The following MDGA2 variants were observed in gnomAD, a reference collection of about 807,000 sequenced individuals.
MDGA2 encodes MAM domain-containing glycosylphosphatidylinositol anchor protein 2.
A neutral mutation model predicts 117.8 loss-of-function variants in MDGA2; 40 were observed. The observed-to-expected ratio is 0.34, with a 90% CI of 0.26 to 0.44. MDGA2 has a LOEUF of 0.44. MDGA2 is among the 20% of genes least tolerant of loss of function. MDGA2 has a pLI of 1.00. For synonymous variants in MDGA2, 452 were observed against 439.0 expected, an observed-to-expected ratio of 1.03 and a Z score of -0.37; for missense variants, 1,123 against 1,250.6, an observed-to-expected ratio of 0.90 and a Z score of 1.54.
At chr14:47,275,531 G>A (rs916436324) in intron 2 of MDGA2, among the ~76,000 whole-genome samples, 1 of 151,838 alleles carries the variant, frequency 6.6e-6, no homozygotes, top group Non-Finnish European at 1.5e-5. Flanking sequence ...AGGCCCTAAG[G>A]CAAAGTCCAG....
chr14:46,905,094 T>C (rs1883437678), intron 10 of MDGA2, among the ~76,000 whole-genome samples: 1 of 152,222 alleles, frequency 6.6e-6, no homozygotes, highest in African/African-American at 2.4e-5. Flanking sequence ...CAAGACTCTG[T>C]ACCTAGATGA....
chr14:47,243,516 A>T (rs1307646588), intron 2 of MDGA2, among the ~76,000 whole-genome samples: 1 of 151,640 alleles, frequency 6.6e-6, no homozygotes, highest in Non-Finnish European at 1.5e-5. Flanking sequence ...CTCACAGCGA[A>T]GATCTGCAGC....
chr14:47,061,631 A>T (rs1889887326), intron 6 of MDGA2, 53 bp from the exon 7 acceptor site: 3 of 1,389,068 alleles, frequency 2.2e-6, no homozygotes, highest in African/African-American at 1.4e-5. Flanking sequence ...AACTTTAAGG[A>T]TTCATTAACT....
intron 1 of MDGA2, among the ~76,000 whole-genome samples, chr14:47,540,039 G>T (rs980462899): frequency 1.6e-4 from 24 of 151,978 alleles, no homozygotes; most frequent in Non-Finnish European, 3.1e-4. Flanking sequence ...TTTTGAGACG[G>T]AGTCTCGCTG....
intron 8 of MDGA2, among the ~76,000 whole-genome samples, chr14:46,979,656 C>G (rs1886594446): frequency 6.6e-6 from 1 of 152,182 alleles, no homozygotes; most frequent in Non-Finnish European, 1.5e-5. Flanking sequence ...ACAATATGCC[C>G]TTAACCCAAA....
intron 1 of MDGA2, among the ~76,000 whole-genome samples, chr14:47,602,898 A>G (rs781421623): frequency 4.6e-5 from 7 of 152,198 alleles, no homozygotes; most frequent in African/African-American, 1.7e-4. Context: ...GATTGAATAT[A>G]TCACTGGAGT....
At chr14:47,515,011 A>G (rs1436354967) in intron 1 of MDGA2, among the ~76,000 whole-genome samples, 2 of 152,200 alleles carry the variant, frequency 1.3e-5, no homozygotes, top group Non-Finnish European at 1.5e-5. Flanking sequence ...ACAAAGTTCT[A>G]CCTTTGTTCC....
At chr14:47,571,763 C>G (rs12886632) in intron 1 of MDGA2, among the ~76,000 whole-genome samples, 110,875 of 140,564 alleles carry the variant, frequency 0.79, 43,293 homozygotes, top group East Asian at 1. Context: ...GGGGGGCGGT[C>G]GGGGGATAGG....
chr14:46,883,786 T>C (rs1882558212), intron 10 of MDGA2, among the ~76,000 whole-genome samples: 3 of 152,132 alleles, frequency 2.0e-5, no homozygotes, highest in Admixed American at 6.6e-5. Flanking sequence ...TTGTAAATTG[T>C]AACTTTTAAG....
intron 8 of MDGA2, among the ~76,000 whole-genome samples, chr14:47,032,213 GTTT>G (rs1888688189): frequency 6.6e-6 from 1 of 152,086 alleles, no homozygotes; most frequent in African/African-American, 2.4e-5. Flanking sequence ...ATATAACTTA[GTTT>G]TTAATAGTCC....
At chr14:47,131,508 G>A (rs552041985) in intron 5 of MDGA2, among the ~76,000 whole-genome samples, 6 of 151,946 alleles carry the variant, frequency 3.9e-5, no homozygotes, top group African/African-American at 7.2e-5. Context: ...TGTTATACAC[G>A]TAAACATATT....
intron 3 of MDGA2, among the ~76,000 whole-genome samples, chr14:47,215,794 GT>G (rs748967897): frequency 8.1e-4 from 123 of 152,178 alleles, no homozygotes; most frequent in Non-Finnish European, 1.4e-3. Flanking sequence ...TAGACAGCTT[GT>G]TAATAAAGCC....
At chr14:47,310,926 G>C (rs1007241511) in intron 1 of MDGA2, among the ~76,000 whole-genome samples, 1 of 152,072 alleles carries the variant, frequency 6.6e-6, no homozygotes, top group Non-Finnish European at 1.5e-5. Flanking sequence ...TAAAATCTTT[G>C]ATCAGGTCTT....
chr14:47,020,859 C>A (rs896390340), intron 8 of MDGA2, among the ~76,000 whole-genome samples: 1 of 151,188 alleles, frequency 6.6e-6, no homozygotes, highest in African/African-American at 2.4e-5. Context: ...TGGAAGCAAA[C>A]CTTTATGACA....
intron 7 of MDGA2, among the ~76,000 whole-genome samples, chr14:47,050,022 A>T (rs1000318307): frequency 1.3e-4 from 19 of 151,844 alleles, no homozygotes; most frequent in Admixed American, 3.9e-4. Context: ...CAGAAGGCAG[A>T]TACAATGTGA....
intron 1 of MDGA2, among the ~76,000 whole-genome samples, chr14:47,524,821 C>T (rs1187765776): frequency 2.0e-5 from 3 of 152,134 alleles, no homozygotes; most frequent in Non-Finnish European, 2.9e-5. Flanking sequence ...GGTGGGTCTT[C>T]AGTAACACTT....
chr14:46,934,149 G>A (rs1884693606), intron 9 of MDGA2, among the ~76,000 whole-genome samples: 2 of 151,830 alleles, frequency 1.3e-5, no homozygotes, highest in South Asian at 2.1e-4. Flanking sequence ...TTTCATTTAT[G>A]TTATACTTGG....
intron 1 of MDGA2, among the ~76,000 whole-genome samples, chr14:47,359,395 G>A (rs568910301): frequency 1.3e-5 from 2 of 151,910 alleles, no homozygotes; most frequent in African/African-American, 4.8e-5. Context: ...AAAACATTAT[G>A]TTACAAAGAT....
At chr14:47,478,805 A>G (rs1893893967) in intron 1 of MDGA2, among the ~76,000 whole-genome samples, 1 of 152,230 alleles carries the variant, frequency 6.6e-6, no homozygotes, top group Non-Finnish European at 1.5e-5. Flanking sequence ...ATGTTTGACC[A>G]ATGGATGACA....
Sources: gnomAD v4.1 joint callset for allele counts (sites outside exome capture counted in the v4.1 genomes callset) on GRCh38, gnomAD v4.1.1 for gene constraint, MANE v1.5 for transcripts, NCBI Gene and HGNC (gene_info 2026-07-23, HGNC 2026-07-21) for gene names.